Variants in MEI4 observed in about 807,000 individuals in gnomAD.
The protein encoded by MEI4 is meiotic double-stranded break formation protein 4.
Under a neutral mutation model 31.4 loss-of-function variants are expected in MEI4, and 27 were observed. The observed-to-expected ratio is 0.86, with a 90% CI of 0.63 to 1.19. The LOEUF (loss-of-function observed/expected upper bound fraction) is 1.19, where lower values mean the gene tolerates loss of function less well. MEI4 is among the 50% of genes most tolerant of loss of function. The pLI, the probability that MEI4 is intolerant of heterozygous loss-of-function variation, is 0.00. For synonymous variants in MEI4, 122 were observed against 145.4 expected (o/e 0.84, Z 1.16); for missense variants, 329 against 398.9 (o/e 0.82, Z 1.49).
At chr6:77,835,226 G>A (rs1053546887) in intron 4 of MEI4, among the ~76,000 whole-genome samples, 5 of 150,860 alleles carry the variant, frequency 3.3e-5, no homozygotes, top group African/African-American at 1.2e-4. Flanking sequence ...CGGGCGCGGT[G>A]GTGCATGCCT....
At chr6:77,868,643 G>A (rs1475895280) in intron 4 of MEI4, among the ~76,000 whole-genome samples, 1 of 150,870 alleles carries the variant, frequency 6.6e-6, no homozygotes, top group Non-Finnish European at 1.5e-5. Flanking sequence ...TTTTAGAGTA[G>A]AAGAAGTCTA....
chr6:77,842,892 G>C (rs1770398799), intron 4 of MEI4, among the ~76,000 whole-genome samples: 1 of 152,004 alleles, frequency 6.6e-6, no homozygotes, highest in African/African-American at 2.4e-5. Flanking sequence ...AGGTAACCTT[G>C]ATAGTCTTAC....
At chr6:77,886,625 G>A (rs1018291758) in intron 4 of MEI4, among the ~76,000 whole-genome samples, 6 of 152,048 alleles carry the variant, frequency 3.9e-5, no homozygotes, top group Non-Finnish European at 7.4e-5. Context: ...TAGAGATGGG[G>A]TTTCAGTATG....
At chr6:77,865,226 AAGATC>A (rs1310536973) in intron 4 of MEI4, among the ~76,000 whole-genome samples, 5 of 152,220 alleles carry the variant, frequency 3.3e-5, no homozygotes, top group African/African-American at 1.2e-4. Context: ...AGAAATAACT[AAGATC>A]AGAGCAGAAC....
chr6:77,683,567 C>T (rs1486655591), intron 1 of MEI4, among the ~76,000 whole-genome samples: 2 of 151,924 alleles, frequency 1.3e-5, no homozygotes, highest in African/African-American at 4.8e-5. Flanking sequence ...TCTCTCTGGC[C>T]CCCACCCTTG....
chr6:77,761,733 G>C, intron 3 of MEI4, 68 bp downstream of exon 3: 2 of 1,066,982 alleles, frequency 1.9e-6, no homozygotes, highest in Non-Finnish European at 2.4e-6. Context: ...TTTGGGTAAT[G>C]TCTGTTGTTG....
chr6:77,728,152 G>T (rs1290065686), intron 2 of MEI4, among the ~76,000 whole-genome samples: 1 of 152,178 alleles, frequency 6.6e-6, no homozygotes, highest in Non-Finnish European at 1.5e-5. Context: ...ATGTTTATTG[G>T]TTGGATGATT....
intron 1 of MEI4, among the ~76,000 whole-genome samples, chr6:77,655,414 A>C (rs1349911305): frequency 6.6e-6 from 1 of 152,148 alleles, no homozygotes; most frequent in Non-Finnish European, 1.5e-5. Context: ...GAGCCCTCCA[A>C]TAAATATGAG....
At chr6:77,802,462 C>A (rs530036720) in intron 3 of MEI4, among the ~76,000 whole-genome samples, 390 of 152,220 alleles carry the variant, frequency 2.6e-3, no homozygotes, top group African/African-American at 9.1e-3. Context: ...AGCATTTAGC[C>A]CATTTACATT....
At chr6:77,897,991 G>A (rs543571442) in intron 4 of MEI4, among the ~76,000 whole-genome samples, 28 of 152,136 alleles carry the variant, frequency 1.8e-4, no homozygotes, top group African/African-American at 6.5e-4. Flanking sequence ...AAACCAGTAT[G>A]TGCTTCTGTT....
At chr6:77,908,113 A>T (rs959221843) in intron 4 of MEI4, among the ~76,000 whole-genome samples, 18 of 151,610 alleles carry the variant, frequency 1.2e-4, no homozygotes, top group Non-Finnish European at 2.4e-4. Context: ...ATTCACTCTG[A>T]TGGTAGTTTC....
intron 4 of MEI4, among the ~76,000 whole-genome samples, chr6:77,883,745 A>ATATATATATATATCTTTGT (rs55947073): frequency 1.2e-5 from 1 of 82,302 alleles, no homozygotes; most frequent in African/African-American, 5.0e-5. Flanking sequence ...TATATATATA[A>ATATATATATATATCTTTGT]CTTTGTCTTT....
At chr6:77,842,257 T>G (rs1256780615) in intron 4 of MEI4, among the ~76,000 whole-genome samples, 1 of 151,976 alleles carries the variant, frequency 6.6e-6, no homozygotes, top group Non-Finnish European at 1.5e-5. Context: ...ATAATAGGAG[T>G]ACATCTAGAA....
chr6:77,739,195 A>G (rs1767333139), intron 2 of MEI4, among the ~76,000 whole-genome samples: 1 of 150,142 alleles, frequency 6.7e-6, no homozygotes, highest in Non-Finnish European at 1.5e-5. Flanking sequence ...GTTTTCTTCT[A>G]GGGTTTTTTT....
intron 4 of MEI4, among the ~76,000 whole-genome samples, chr6:77,920,422 A>G (rs1053559972): frequency 6.6e-6 from 1 of 151,928 alleles, no homozygotes; most frequent in Non-Finnish European, 1.5e-5. Context: ...CAATAGATCC[A>G]CCTCTAATTC....
chr6:77,708,209 G>A lies in MEI4; in HGVS notation c.232+17306G>A, dbSNP rs1582045470. On this transcript the variant is annotated intron_variant, in intron 2 of 4. Coordinates refer to ENST00000684080, the MANE Select transcript of MEI4 (RefSeq NM_001322247.2). Reference sequence around the variant, plus strand: ...CAGTCACAGGGGTGGAGCTGCCCAAGGCTTTGGGAGCCCACCCCTTACACC... The same window carrying A: ...CAGTCACAGGGGTGGAGCTGCCCAAAGCTTTGGGAGCCCACCCCTTACACC... 3.9e-5 allele frequency among the ~76,000 whole-genome samples: 6 copies of A among 152,346 alleles called. No individual in the cohort carries two copies. The South Asian group carries it at 1.2e-3, about 32-fold the overall frequency.
At chr6:77,676,398 A>C (rs1436222211) in intron 1 of MEI4, among the ~76,000 whole-genome samples, 1 of 152,076 alleles carries the variant, frequency 6.6e-6, no homozygotes, top group Non-Finnish European at 1.5e-5. Flanking sequence ...ATGGTGGTGC[A>C]CGCCTGTAGT....
chr6:77,817,404 T>C (rs933718861), intron 3 of MEI4, among the ~76,000 whole-genome samples: 4 of 152,142 alleles, frequency 2.6e-5, no homozygotes, highest in Admixed American at 1.3e-4. Context: ...TGTTGCCTGA[T>C]AGTGAGTCTT....
At chr6:77,813,826 G>A (rs571307552) in intron 3 of MEI4, among the ~76,000 whole-genome samples, 2 of 152,066 alleles carry the variant, frequency 1.3e-5, no homozygotes, top group South Asian at 4.2e-4. Flanking sequence ...TTTTAGAAGA[G>A]GCCTGTTTCC....
Sources: allele counts gnomAD v4.1 joint callset (sites outside exome capture counted in the v4.1 genomes callset), GRCh38; gene constraint gnomAD v4.1.1; transcripts MANE v1.5; gene names NCBI Gene and HGNC (gene_info 2026-07-23, HGNC 2026-07-21).